Variants in LPCAT4 observed in about 807,000 individuals in gnomAD.
The protein encoded by LPCAT4 is lysophosphatidylcholine acyltransferase 4.
LPCAT4 carries 30 observed loss-of-function variants against 66.5 expected under a neutral mutation model. The ratio of observed to expected loss-of-function variants is 0.45; its 90% confidence interval spans 0.34 to 0.61. The LOEUF (loss-of-function observed/expected upper bound fraction) is 0.61, where lower values mean the gene tolerates loss of function less well. Among genes scored for constraint, LPCAT4 ranks in the 20% least tolerant of loss-of-function variants. LPCAT4 has a pLI of 0.01. For synonymous variants in LPCAT4, 253 were observed against 262.1 expected (o/e 0.97, Z 0.34); for missense variants, 557 against 656.7 (o/e 0.85, Z 1.66).
At chr15:34,361,670 G>A in intron 10 of LPCAT4, 138 bp from the exon 11 acceptor site, 2 of 979,610 alleles carry the variant, frequency 2.0e-6, no homozygotes, top group Non-Finnish European at 3.0e-6. Context: ...CTGACTCACA[G>A]TCCCTTGAGA....
intron 11 of LPCAT4, among the ~76,000 whole-genome samples, chr15:34,360,733 C>T (rs2140165716): frequency 6.6e-6 from 1 of 152,318 alleles, no homozygotes; most frequent in African/African-American, 2.4e-5. Context: ...CAGTCCGCCT[C>T]AATCTAAGGA....
In LPCAT4 at chr15:34,363,796, C is replaced by G; in HGVS notation, c.653-77G>C. The G allele has an allele frequency of 2.0e-6, 3 of 1,500,262 alleles. No individual in the cohort carries two copies. The highest frequency in any genetic ancestry group is 2.8e-6 in the Non-Finnish European group (3 of 1,077,736). 92.9% of individuals were successfully genotyped at this position (1,500,262 alleles called of 1,614,324 possible). On this transcript the variant is annotated intron_variant, in intron 5 of 13. Transcript: ENST00000314891. The surrounding 1 kb of genome is among the most constrained non-coding windows in gnomAD (Gnocchi z 4.3). ...AGTAGCTAGAGGGCATGAGGTATGG[C>G]AGTCTGGGACAGTTCTCAAATGAGA...
At chr15:34,366,714 TCTCCAACCCCAGGGTCCCCTGCAGCC>T (rs1299871768) in intron 1 of LPCAT4, among the ~76,000 whole-genome samples, 4 of 145,616 alleles carry the variant, frequency 2.7e-5, no homozygotes, top group Non-Finnish European at 6.0e-5. Context: ...GTCCTTCATC[TCTCCAACCCCAGGGTCCCCTGCAGCC>T]CTCCATCCCC....
Position 34,361,273 on chromosome 15 carries a change from T to C in LPCAT4, c.1143+127A>G, listed in dbSNP as rs188471132. 4.1e-5 allele frequency: 62 copies of C among 1,509,106 alleles called. No homozygotes were observed. In the African/African-American group the frequency reaches 7.2e-4, roughly 18 times the overall value. 93.5% of individuals were successfully genotyped at this position (1,509,106 alleles called of 1,614,324 possible). A position where few individuals can be genotyped will look rare whatever the true frequency, so the allele number is the denominator to read the frequency against. On this transcript the variant is annotated intron_variant, in intron 11 of 13. Coordinates refer to ENST00000314891, the MANE Select transcript of LPCAT4 (RefSeq NM_153613.3). ...TTCAGTGGATCTCAGGGGATGGCCATCTAACAACAGCTGTGAGAACATCCA... is the reference window on the plus strand; with the variant it reads ...TTCAGTGGATCTCAGGGGATGGCCACCTAACAACAGCTGTGAGAACATCCA...
rs1333269173 is a variant in LPCAT4, at chr15:34,359,482, G to C, written c.1399+107C>G. The C allele has an allele frequency of 2.1e-6, 3 of 1,425,024 alleles. No homozygotes were observed. In the African/African-American group the frequency reaches 4.3e-5, roughly 20 times the overall value. 88.3% of individuals were successfully genotyped at this position (1,425,024 alleles called of 1,614,324 possible). The stretch of plus-strand genomic sequence containing the variant: ...CCCAGCCTTACTTCTCATAGGTTCT[G>C]ATCTCCAGCACTGGCCACTAACCCT... On this transcript the variant is annotated intron_variant, in intron 13 of 13. Transcript: ENST00000314891.
intron 11 of LPCAT4, 45 bp from the exon 12 acceptor site, chr15:34,360,254 C>T: frequency 4.7e-6 from 7 of 1,476,094 alleles, no homozygotes; most frequent in Non-Finnish European, 2.8e-6. Context: ...CCCTGCGCCT[C>T]CCTTCCTGCT....
chr15:34,359,762 A>T lies in LPCAT4; in HGVS notation c.1243-17T>A. 6.2e-7 allele frequency: 1 copy of T among 1,604,142 alleles called. No homozygotes were observed. The highest frequency in any genetic ancestry group is 1.3e-5 in the African/African-American group (1 of 74,958). On this transcript the variant is annotated splice_polypyrimidine_tract_variant and intron_variant, in intron 12 of 13. Coordinates refer to ENST00000314891, the MANE Select transcript of LPCAT4 (RefSeq NM_153613.3). ...AGCAAAGAGCTTGGGAGAGAAAGGG[A>T]TAAGAGTCAAGTTCTCTCCTCATGC...
intron 3 of LPCAT4, chr15:34,364,765 C>A: frequency 2.0e-6 from 1 of 488,878 alleles, no homozygotes; most frequent in Non-Finnish European, 3.6e-6. Flanking sequence ...GTTATCTTTG[C>A]CCTGGGACAA....
rs774119092 is a variant in LPCAT4, at chr15:34,360,102, C to T, written c.1242+9G>A. 1.9e-6 allele frequency: 3 copies of T among 1,603,860 alleles called. No individual in the cohort carries two copies. In the East Asian group the frequency reaches 6.7e-5, roughly 36 times the overall value. On this transcript the variant is annotated intron_variant, in intron 12 of 13. Transcript: ENST00000314891. Reference sequence around the variant, plus strand: ...CTAAGCACCCCCCACCACCGCCACCCCCCATTACCTCAAAGGCCAGACGAG... The same window carrying T: ...CTAAGCACCCCCCACCACCGCCACCTCCCATTACCTCAAAGGCCAGACGAG...
chr15:34,366,793 A>G, intron 1 of LPCAT4, 194 bp downstream of exon 1: 1 of 682,562 alleles, frequency 1.5e-6, no homozygotes, highest in East Asian at 3.2e-5. Context: ...TCTATCGCCC[A>G]AGCCCGCAGC....
In LPCAT4 at chr15:34,363,792, ATGG is replaced by A; in HGVS notation, c.653-76_653-74del. 2 of 1,548,100 alleles carry A rather than the reference ATGG, an allele frequency of 1.3e-6. No individual in the cohort carries two copies. The highest frequency in any genetic ancestry group is 2.2e-5 in the South Asian group (2 of 89,692). ...CAGAAGTAGCTAGAGGGCATGAGGT[ATGG>A]CAGTCTGGGACAGTTCTCAAATGAG... On this transcript the variant is annotated intron_variant, in intron 5 of 13. Coordinates refer to ENST00000314891, the MANE Select transcript of LPCAT4 (RefSeq NM_153613.3). The surrounding 1 kb of genome is among the most constrained non-coding windows in gnomAD (Gnocchi z 4.3).
intron 2 of LPCAT4, 147 bp from the exon 3 acceptor site, chr15:34,365,375 C>G (rs368604670): frequency 1.7e-6 from 2 of 1,159,024 alleles, no homozygotes; most frequent in African/African-American, 3.1e-5. Context: ...CACTTTGGGA[C>G]CTATCAGGGC....
At chr15:34,362,881 G>C in intron 7 of LPCAT4, 45 bp from the exon 8 acceptor site, 1 of 1,598,562 alleles carries the variant, frequency 6.3e-7, no homozygotes, top group Non-Finnish European at 8.6e-7. Context: ...CTAACTATGG[G>C]CTCCTTCCCT....
chr15:34,364,589 A>ATTTTTTT (rs1891029617), intron 3 of LPCAT4: 2 of 105,584 alleles, frequency 1.9e-5, no homozygotes, highest in South Asian at 2.1e-4. Flanking sequence ...ACGCCCGGCT[A>ATTTTTTT]ATTTTTTTTT....
intron 1 of LPCAT4, 48 bp downstream of exon 1, chr15:34,366,939 T>C: frequency 1.3e-6 from 2 of 1,531,296 alleles, no homozygotes; most frequent in Non-Finnish European, 1.8e-6. Context: ...AATGGCCCCA[T>C]TTTCCTATCC....
In LPCAT4 at chr15:34,359,104, G is replaced by A. The variant is rs1469190039; in HGVS notation, c.*23C>T. On this transcript the variant is annotated 3_prime_UTR_variant, in exon 14 of 14. Transcript: ENST00000314891. The stretch of plus-strand genomic sequence containing the variant: ...AGGCCCCTAGCGCTGCCCTGAGGAG[G>A]AGGGGGTGAGAGGCTGAGGCACTCA... 1 of 1,590,942 alleles carries A rather than the reference G, an allele frequency of 6.3e-7. No individual in the cohort carries two copies. The highest frequency in any genetic ancestry group is 1.3e-5 in the African/African-American group (1 of 74,664).
At chr15:34,361,120 C>T in intron 11 of LPCAT4, 1 of 1,139,722 alleles carries the variant, frequency 8.8e-7, no homozygotes. Context: ...CTTATGATTC[C>T]CCACCTTCGC....
rs987751017 is a variant in LPCAT4 at position 34,363,301 on chromosome 15, A to C, written c.746+121T>G. 2 of 1,072,796 alleles carry C rather than the reference A, an allele frequency of 1.9e-6. No homozygotes were observed. Among genetic ancestry groups the C allele is most frequent in the African/African-American group, 1.6e-5 (1 of 63,222 alleles). The allele number at this position is 1,072,796 out of a possible 1,614,324, so 66.5% of individuals were successfully genotyped here. On this transcript the variant is annotated intron_variant, in intron 7 of 13. Coordinates refer to ENST00000314891, the MANE Select transcript of LPCAT4 (RefSeq NM_153613.3). The surrounding 1 kb of genome is among the most constrained non-coding windows in gnomAD (Gnocchi z 4.3). ...AGGGGGAAAGTGGTGTCTCCTCTAGAGTTCTCTCAGTCCTCAGATGAAGAA... is the reference window on the plus strand; with the variant it reads ...AGGGGGAAAGTGGTGTCTCCTCTAGCGTTCTCTCAGTCCTCAGATGAAGAA...
In LPCAT4 at chr15:34,367,152, T is replaced by C. The variant is rs1455954786; in HGVS notation, c.-52A>G. 7.1e-7 allele frequency: 1 copy of C among 1,415,030 alleles called. No individual in the cohort carries two copies. The highest frequency in any genetic ancestry group is 9.3e-7 in the Non-Finnish European group (1 of 1,078,666). 87.7% of individuals were successfully genotyped at this position (1,415,030 alleles called of 1,614,324 possible). ...CCCCGGCCCTGGCCCCGGCCACCAC[T>C]CTGCAGAGCAGCTGCTGCTGCAGCA... On this transcript the variant is annotated 5_prime_UTR_variant, in exon 1 of 14. Coordinates refer to ENST00000314891, the MANE Select transcript of LPCAT4 (RefSeq NM_153613.3).
Sources: gnomAD v4.1 joint callset for allele counts (sites outside exome capture counted in the v4.1 genomes callset) on GRCh38, gnomAD v4.1.1 for gene constraint, Gnocchi (gnomAD v3.1) non-coding constraint, MANE v1.5 for transcripts, NCBI Gene and HGNC (gene_info 2026-07-23, HGNC 2026-07-21) for gene names.